TAF4B: variants seen among roughly 807,000 people sequenced by gnomAD.
The protein encoded by TAF4B is transcription initiation factor TFIID subunit 4B.
TAF4B carries 38 observed loss-of-function variants against 86.4 expected under a neutral mutation model. That is an observed-to-expected ratio of 0.44 (90% CI 0.34 to 0.58). The LOEUF is 0.58. TAF4B is among the 20% of genes least tolerant of loss of function. The pLI, the probability that TAF4B is intolerant of heterozygous loss-of-function variation, is 0.02. For synonymous variants in TAF4B, 388 were observed against 391.2 expected, an observed-to-expected ratio of 0.99 and a Z score of 0.10; for missense variants, 988 against 1,027.6, an observed-to-expected ratio of 0.96 and a Z score of 0.53.
intron 1 of TAF4B, among the ~76,000 whole-genome samples, chr18:26,236,518 T>C (rs915946210): frequency 2.6e-5 from 4 of 152,306 alleles, no homozygotes; most frequent in African/African-American, 9.6e-5. Flanking sequence ...AGAGAACCTT[T>C]GTTTTCTAGG....
At chr18:26,257,360 G>A (rs1255960952) in intron 1 of TAF4B, among the ~76,000 whole-genome samples, 1 of 152,074 alleles carries the variant, frequency 6.6e-6, no homozygotes, top group Non-Finnish European at 1.5e-5. Flanking sequence ...TTTGATATTA[G>A]TATGGCCACT....
At position 26,295,845 on chromosome 18, in the gene TAF4B, A is replaced by G. The variant is rs6508431; in HGVS notation, c.1832+2314A>G. 2.9e-3 allele frequency among the ~76,000 whole-genome samples: 446 copies of G among 152,140 alleles called. 6 individuals are homozygous for G. Among genetic ancestry groups the G allele is most frequent in the East Asian group, 0.019 (99 of 5,182 alleles). ...CAGGATTTTTTATTTTTGAAATCTC[A>G]TAGTTTTGCCCTAGAATATGTTGTA... is the stretch of plus-strand genomic sequence containing the variant. On this transcript the variant is annotated intron_variant, in intron 9 of 14. Transcript: ENST00000269142.
At chr18:26,319,995 A>AT (rs2056948583) in intron 10 of TAF4B, among the ~76,000 whole-genome samples, 1 of 152,178 alleles carries the variant, frequency 6.6e-6, no homozygotes, top group Admixed American at 6.6e-5. Flanking sequence ...AATGAATTAC[A>AT]TTTTGAAGGG....
chr18:26,270,058 T>G (rs2056293598), intron 3 of TAF4B, among the ~76,000 whole-genome samples: 1 of 152,194 alleles, frequency 6.6e-6, no homozygotes, highest in Admixed American at 6.6e-5. Flanking sequence ...TCTTAAAGAT[T>G]GAGTACATAA....
At chr18:26,385,692 T>TTTC (rs1270301751) in intron 14 of TAF4B, among the ~76,000 whole-genome samples, 6 of 145,232 alleles carry the variant, frequency 4.1e-5, no homozygotes, top group Admixed American at 2.7e-4. Flanking sequence ...TTTTTTTTTT[T>TTTC]TTCTTCTTCT....
At chr18:26,361,546 G>C (rs2057330478) in intron 14 of TAF4B, among the ~76,000 whole-genome samples, 1 of 151,738 alleles carries the variant, frequency 6.6e-6, no homozygotes, top group African/African-American at 2.4e-5. Context: ...AGGAGTTCGA[G>C]ACCAGCCTAG....
chr18:26,355,962 C>G (rs184425094), intron 13 of TAF4B, among the ~76,000 whole-genome samples: 1 of 152,276 alleles, frequency 6.6e-6, no homozygotes, highest in African/African-American at 2.4e-5. Flanking sequence ...GATTTCTGTC[C>G]TATAATTTGT....
intron 13 of TAF4B, among the ~76,000 whole-genome samples, chr18:26,356,835 G>A (rs1195257315): frequency 7.0e-6 from 1 of 142,706 alleles, no homozygotes; most frequent in African/African-American, 2.6e-5. Flanking sequence ...TTGACACTTA[G>A]TTGCCTCAAT....
chr18:26,260,246 A>G (rs1301560739), intron 1 of TAF4B, among the ~76,000 whole-genome samples: 1 of 152,102 alleles, frequency 6.6e-6, no homozygotes, highest in Non-Finnish European at 1.5e-5. Context: ...GTTCACTCTG[A>G]TGGTAGTTTC....
At chr18:26,245,985 T>G (rs931253809) in intron 1 of TAF4B, among the ~76,000 whole-genome samples, 2 of 152,226 alleles carry the variant, frequency 1.3e-5, no homozygotes, top group Non-Finnish European at 2.9e-5. Context: ...GAAACGTGGA[T>G]TTTTATAGGA....
chr18:26,304,584 A>G (rs1388359378), intron 9 of TAF4B, among the ~76,000 whole-genome samples: 2 of 152,166 alleles, frequency 1.3e-5, no homozygotes, highest in South Asian at 2.1e-4. Flanking sequence ...TAGTAGACCC[A>G]GGGATTACTA....
intron 3 of TAF4B, among the ~76,000 whole-genome samples, chr18:26,271,730 C>T (rs1033814479): frequency 2.6e-5 from 4 of 152,036 alleles, no homozygotes; most frequent in Non-Finnish European, 5.9e-5. Context: ...TTGAGACCAG[C>T]TTGGCCAACA....
At chr18:26,292,477 TG>T in intron 8 of TAF4B, 96 bp downstream of exon 8, 1 of 1,363,684 alleles carries the variant, frequency 7.3e-7, no homozygotes, top group Non-Finnish European at 9.9e-7. Context: ...AAGAGAGGTT[TG>T]GTCTTTTAAA....
intron 1 of TAF4B, among the ~76,000 whole-genome samples, chr18:26,254,539 C>T (rs564961402): frequency 2.0e-5 from 3 of 152,276 alleles, no homozygotes; most frequent in Non-Finnish European, 2.9e-5. Flanking sequence ...ACACAAAAAT[C>T]GATTACATTT....
At chr18:26,324,076 C>G (rs1009880833) in intron 11 of TAF4B, among the ~76,000 whole-genome samples, 1 of 152,162 alleles carries the variant, frequency 6.6e-6, no homozygotes, top group African/African-American at 2.4e-5. Context: ...ATCTTCTTAG[C>G]AGTTACCATA....
chr18:26,357,530 A>C (rs1333263722), intron 13 of TAF4B, among the ~76,000 whole-genome samples, 160 bp from the exon 14 acceptor site: 3 of 152,192 alleles, frequency 2.0e-5, no homozygotes, highest in African/African-American at 7.2e-5. Flanking sequence ...TTGGTGTAAA[A>C]GAATCAGAAA....
chr18:26,311,959 A>G (rs2056858074), intron 9 of TAF4B, among the ~76,000 whole-genome samples: 1 of 152,242 alleles, frequency 6.6e-6, no homozygotes, highest in Non-Finnish European at 1.5e-5. Context: ...TTCAGAAGCT[A>G]GAATGCAAAG....
At chr18:26,293,050 GA>G (rs1395804430) in intron 8 of TAF4B, among the ~76,000 whole-genome samples, 19 of 152,078 alleles carry the variant, frequency 1.2e-4, no homozygotes, top group African/African-American at 4.1e-4. Flanking sequence ...CATATGTATG[GA>G]AATCAGTCTT....
intron 1 of TAF4B, among the ~76,000 whole-genome samples, chr18:26,232,629 A>G (rs1001596223): frequency 6.6e-6 from 1 of 152,174 alleles, no homozygotes. Context: ...GCCTTTTCCT[A>G]TAAACACCTG....
Sources: gnomAD v4.1 joint callset for allele counts (sites outside exome capture counted in the v4.1 genomes callset) on GRCh38, gnomAD v4.1.1 for gene constraint, MANE v1.5 for transcripts, NCBI Gene and HGNC (gene_info 2026-07-23, HGNC 2026-07-21) for gene names.